Variants in NLRP2 observed in about 807,000 individuals in gnomAD.
NLRP2 encodes the protein NLR family pyrin domain containing 2, also known as NACHT, LRR and PYD domains-containing protein 2.
NLRP2 carries 107 observed loss-of-function variants against 97.2 expected under a neutral mutation model. That is an observed-to-expected ratio of 1.10 (90% CI 0.94 to 1.29). NLRP2 has a LOEUF of 1.29. Ranked by LOEUF, NLRP2 falls within the 50% of genes most tolerant of loss-of-function variation. NLRP2 has a pLI of 0.00. For missense variants in NLRP2, 1,495 were observed against 1,330.3 expected (o/e 1.12, Z -1.93); for synonymous variants, 663 against 551.5 (o/e 1.20, Z -2.83).
chr19:54,984,073 A>G (rs1031686117), intron 6 of NLRP2, among the ~76,000 whole-genome samples: 3 of 150,496 alleles, frequency 2.0e-5, no homozygotes, highest in African/African-American at 7.4e-5. Flanking sequence ...CTGGTCTTGA[A>G]CTCCGCCTGA....
chr19:54,987,495 C>G (rs993292173), intron 8 of NLRP2, among the ~76,000 whole-genome samples: 1 of 152,042 alleles, frequency 6.6e-6, no homozygotes, highest in Middle Eastern at 3.2e-3. Flanking sequence ...CAGTGGCTCA[C>G]GCCTGGGAGG....
chr19:54,976,813 T>TC (rs34315783), intron 3 of NLRP2: 5 of 219,292 alleles, frequency 2.3e-5, no homozygotes, highest in South Asian at 3.2e-5. Context: ...GTTCTCTCTC[T>TC]TTTTTTTTTT....
At chr19:54,980,046 A>G (rs2071474573) in intron 4 of NLRP2, among the ~76,000 whole-genome samples, 1 of 152,026 alleles carries the variant, frequency 6.6e-6, no homozygotes, top group Non-Finnish European at 1.5e-5. Flanking sequence ...AAGTGCTGGG[A>G]TGACAGGCGT....
At chr19:54,994,033 T>C in intron 10 of NLRP2, 1 of 610,250 alleles carries the variant, frequency 1.6e-6, no homozygotes, top group Non-Finnish European at 2.9e-6. Context: ...ATATAAACCA[T>C]CTTAAGATGC....
At chr19:54,981,509 G>GGCCCCCCCCC in intron 4 of NLRP2, 108 bp from the exon 5 acceptor site, 6 of 386,504 alleles carry the variant, frequency 1.6e-5, no homozygotes, top group East Asian at 5.5e-5. Flanking sequence ...CTGATCCCGT[G>GGCCCCCCCCC]CCCCCCCTCC....
At chr19:54,974,630 A>C in intron 3 of NLRP2, 86 bp downstream of exon 3, 1 of 968,352 alleles carries the variant, frequency 1.0e-6, no homozygotes, top group Non-Finnish European at 1.7e-6. Context: ...GCTGAGCACT[A>C]AGAATGCAAA....
intron 1 of NLRP2, among the ~76,000 whole-genome samples, chr19:54,968,369 G>A (rs1030065077): frequency 6.6e-6 from 1 of 151,968 alleles, no homozygotes; most frequent in African/African-American, 2.4e-5. Context: ...TGTTTTACCA[G>A]GCTGGAGTGC....
chr19:54,999,204 A>G (rs1355838149), intron 12 of NLRP2, among the ~76,000 whole-genome samples: 2 of 152,108 alleles, frequency 1.3e-5, no homozygotes, highest in Non-Finnish European at 1.5e-5. Context: ...CTGGAGCGCA[A>G]TGGCGCTATC....
At chr19:54,975,823 T>G (rs2071197055) in intron 3 of NLRP2, among the ~76,000 whole-genome samples, 1 of 151,982 alleles carries the variant, frequency 6.6e-6, no homozygotes. Flanking sequence ...CAGTCATAGC[T>G]CATTGCAGCC....
Position 54,983,351 on chromosome 19 carries a change from C to T in NLRP2, c.1653C>T (p.Ile551=), listed in dbSNP as rs182010297. 94 of 1,614,202 alleles carry T rather than the reference C, an allele frequency of 5.8e-5. No individual in the cohort carries two copies. In the African/African-American group the frequency reaches 9.7e-4, roughly 17 times the overall value. Residue 551 remains isoleucine (I), a synonymous_variant, in exon 6 of 13, where the codon ATC becomes ATT. Transcript: ENST00000448584. Reference sequence around the variant, plus strand: ...AAAGACTCAGGAACCCCGACCTGATCCAAGCAGGCTACTACTCCTTTGGCC... The same window carrying T: ...AAAGACTCAGGAACCCCGACCTGATTCAAGCAGGCTACTACTCCTTTGGCC... The part of the protein sequence containing the change: ...GVERLRNPDL[I]QAGYYSFGLA...
At chr19:54,972,706 G>C (rs987345676) in intron 2 of NLRP2, among the ~76,000 whole-genome samples, 1 of 151,914 alleles carries the variant, frequency 6.6e-6, no homozygotes, top group African/African-American at 2.4e-5. Context: ...CGATCCTCCT[G>C]CCTTGGCTTC....
chr19:54,996,069 C>T (rs1329598642), intron 11 of NLRP2, among the ~76,000 whole-genome samples: 2 of 136,406 alleles, frequency 1.5e-5, no homozygotes, highest in South Asian at 2.2e-4. Flanking sequence ...AAAACAAAGG[C>T]GCCTTTTTAA....
In NLRP2 at chr19:54,982,502, A is replaced by G. The variant is rs1198230833; in HGVS notation, c.804A>G (p.Glu268=). 2 of 1,614,062 alleles carry G rather than the reference A, an allele frequency of 1.2e-6. No homozygotes were observed. Among genetic ancestry groups the G allele is most frequent in the Non-Finnish European group, 1.7e-6 (2 of 1,180,040 alleles). The part of the protein sequence containing the change: ...FAELVFRDWP[E]LQDDIPHILA... Reference sequence around the variant, plus strand: ...AGCTGGTCTTCAGGGACTGGCCTGAATTGCAGGATGACATTCCACACATCC... The same window carrying G: ...AGCTGGTCTTCAGGGACTGGCCTGAGTTGCAGGATGACATTCCACACATCC... Residue 268 remains glutamate (E), a synonymous_variant, in exon 6 of 13, where the codon GAA becomes GAG. Coordinates refer to ENST00000448584, the MANE Select transcript of NLRP2 (RefSeq NM_017852.5).
At position 54,985,911 on chromosome 19, in the gene NLRP2, C is replaced by T. The variant is rs578262597; in HGVS notation, c.2202-240C>T. On this transcript the variant is annotated intron_variant, in intron 7 of 12. Coordinates refer to ENST00000448584, the MANE Select transcript of NLRP2 (RefSeq NM_017852.5). ...TACTCCGGATGCTGAGGGTAGGAGT[C>T]GCTTGAATCCGGGAGGCAGAGTTTG... Among the ~76,000 whole-genome samples the T allele has an allele frequency of 7.3e-5, 11 of 151,714 alleles. No homozygotes were observed. The East Asian group carries it at 1.6e-3, about 21-fold the overall frequency.
In NLRP2 at chr19:54,990,189, T is replaced by G. The variant is rs1321753214; in HGVS notation, c.2534T>G (p.Leu845Trp). ...LRHPKCFLQRLSLENCHLTEA... is the reference protein window; with the variant it reads ...LRHPKCFLQRWSLENCHLTEA... ...CACCCCAAGTGCTTTCTGCAGAGGT[T>G]GTCGTAAGTCTCTCCTCTCTTACAG... Residue 845 changes from leucine to tryptophan, a missense_variant, in exon 9 of 13, where the codon TTG (leucine) becomes TGG (tryptophan). Physicochemically the swap from Leu to Trp is moderately conservative, Grantham distance 61. Transcript: ENST00000448584. 1.2e-6 allele frequency: 2 copies of G among 1,614,100 alleles called. No homozygotes were observed. Among genetic ancestry groups the G allele is most frequent in the Admixed American group, 1.7e-5 (1 of 59,990 alleles).
At chr19:54,984,329 G>GTGTTTTTTTTTTTTTTTTTTTTTTTTTTT in intron 6 of NLRP2, among the ~76,000 whole-genome samples, 2 of 79,670 alleles carry the variant, frequency 2.5e-5, no homozygotes, top group Admixed American at 1.5e-4. Context: ...TTTTTTTTGT[G>GTGTTTTTTTTTTTTTTTTTTTTTTTTTTT]TTTTTTTTTT....
chr19:54,976,010 A>G (rs1050067360), intron 3 of NLRP2, among the ~76,000 whole-genome samples: 1 of 152,046 alleles, frequency 6.6e-6, no homozygotes, highest in Non-Finnish European at 1.5e-5. Context: ...TGGCCTCCCA[A>G]AGTGCTGGGA....
intron 2 of NLRP2, among the ~76,000 whole-genome samples, chr19:54,970,616 A>G (rs184469698): frequency 6.6e-5 from 10 of 151,916 alleles, no homozygotes; most frequent in African/African-American, 2.4e-4. Context: ...AGATCACGCC[A>G]TTGCACCCCA....
At chr19:54,987,614 C>T (rs532876547) in intron 8 of NLRP2, among the ~76,000 whole-genome samples, 83 of 151,836 alleles carry the variant, frequency 5.5e-4, no homozygotes, top group Admixed American at 1.4e-3. Context: ...TGTTGGCGCA[C>T]GCCTGTAGTC....
Sources: gnomAD v4.1 joint callset for allele counts (sites outside exome capture counted in the v4.1 genomes callset) on GRCh38, gnomAD v4.1.1 for gene constraint, MANE v1.5 for transcripts, NCBI Gene and HGNC (gene_info 2026-07-23, HGNC 2026-07-21) for gene names.